TECPR1: variants seen among roughly 807,000 people sequenced by gnomAD.
TECPR1 encodes tectonin beta-propeller repeat-containing protein 1.
TECPR1 carries 122 observed loss-of-function variants against 162.4 expected under a neutral mutation model. The observed-to-expected ratio is 0.75, with a 90% CI of 0.65 to 0.87. The LOEUF (loss-of-function observed/expected upper bound fraction) is 0.87. Ranked by LOEUF, TECPR1 falls within the 40% of genes least tolerant of loss-of-function variation. The pLI is 0.00. For missense variants in TECPR1, 1,432 were observed against 1,618.2 expected, an observed-to-expected ratio of 0.88 and a Z score of 1.97; for synonymous variants, 642 against 670.6, an observed-to-expected ratio of 0.96 and a Z score of 0.66.
chr7:98,247,196 G>A (rs923691053), intron 2 of TECPR1, among the ~76,000 whole-genome samples: 2 of 151,930 alleles, frequency 1.3e-5, no homozygotes, highest in African/African-American at 4.8e-5. Context: ...AGGCTGGAGT[G>A]CAGTGGTTTG....
chr7:98,233,374 G>A (rs1798500476), intron 11 of TECPR1, 47 bp downstream of exon 11: 1 of 1,413,036 alleles, frequency 7.1e-7, no homozygotes, highest in Non-Finnish European at 9.2e-7. Flanking sequence ...CACACCCCCA[G>A]GGCACCTGGC....
chr7:98,231,938 C>G lies in TECPR1; in HGVS notation c.1840G>C (p.Ala614Pro), dbSNP rs772159699. Residue 614 changes from alanine to proline, a missense_variant, in exon 13 of 26, where the codon GCG (alanine) becomes CCG (proline). Transcript: ENST00000447648. ...TTCCAGTCGCACCACCACTGCAGCG[C>G]CCCGGTCTTCACCCACACCGACTGC... Reference protein sequence around the residue: ...VEQSVWVKTGALQWWCDWKPH... With the variant: ...VEQSVWVKTGPLQWWCDWKPH... 34 of 1,606,250 alleles carry G rather than the reference C, an allele frequency of 2.1e-5. No individual in the cohort carries two copies. The highest frequency in any genetic ancestry group is 1.6e-4 in the Middle Eastern group (1 of 6,080).
chr7:98,223,579 C>T (rs1030508184), intron 20 of TECPR1, 83 bp downstream of exon 20: 29 of 1,477,346 alleles, frequency 2.0e-5, no homozygotes, highest in Non-Finnish European at 2.6e-5. Flanking sequence ...AGATCTGGCC[C>T]GGGGTGCAGG....
At chr7:98,244,469 G>T in intron 5 of TECPR1, 102 bp downstream of exon 5, 1 of 1,457,778 alleles carries the variant, frequency 6.9e-7, no homozygotes, top group Non-Finnish European at 9.2e-7. Flanking sequence ...GGTGGGCGTG[G>T]TGTCCCCTGG....
chr7:98,248,218 C>T (rs1266068848), intron 2 of TECPR1, among the ~76,000 whole-genome samples: 4 of 152,138 alleles, frequency 2.6e-5, no homozygotes, highest in Admixed American at 6.5e-5. Context: ...CACAAGGCAG[C>T]CAAACACAGA....
At chr7:98,240,484 A>G (rs950837963) in intron 8 of TECPR1, among the ~76,000 whole-genome samples, 5 of 151,982 alleles carry the variant, frequency 3.3e-5, no homozygotes, top group African/African-American at 1.2e-4. Context: ...CTATAGTGCA[A>G]TCTTGGCTCA....
chr7:98,217,772 G>T lies in TECPR1; in HGVS notation c.3304C>A (p.Leu1102Met). Residue 1102 changes from leucine (L) to methionine (M), a missense_variant, in exon 25 of 26, where the codon CTG becomes ATG. Coordinates refer to ENST00000447648, the MANE Select transcript of TECPR1 (RefSeq NM_015395.3). ...CGATGACACACTGTCCCCCGGCTCA[G>T]GCTGTGGCTGCCCTGCACTTTGTTG... ...IANKVQGSHS[L>M]SRGTVCHRTG... is the part of the protein sequence containing the mutation. 6.4e-7 allele frequency: 1 copy of T among 1,551,070 alleles called. No individual in the cohort carries two copies. Among genetic ancestry groups the T allele is most frequent in the African/African-American group, 1.4e-5 (1 of 73,190 alleles).
At chr7:98,249,831 T>C (rs1799015726) in intron 2 of TECPR1, among the ~76,000 whole-genome samples, 1 of 150,976 alleles carries the variant, frequency 6.6e-6, no homozygotes, top group South Asian at 2.1e-4. Context: ...GGCAGGAGAA[T>C]CGCTTGAACC....
At chr7:98,244,341 C>A (rs1172987469) in intron 5 of TECPR1, among the ~76,000 whole-genome samples, 1 of 152,240 alleles carries the variant, frequency 6.6e-6, no homozygotes, top group Non-Finnish European at 1.5e-5. Context: ...AGGGTCAGGG[C>A]AAGTTCTGTG....
At chr7:98,224,445 C>T (rs1798224396) in intron 19 of TECPR1, among the ~76,000 whole-genome samples, 1 of 152,208 alleles carries the variant, frequency 6.6e-6, no homozygotes, top group African/African-American at 2.4e-5. Context: ...GTAGAGGCCA[C>T]TCGCCCTCCT....
At position 98,240,177 on chromosome 7, in the gene TECPR1, T is replaced by C. The variant is rs1411909768; in HGVS notation, c.933+674A>G. ...CGGCTGGTTTTATTGGACTTGCCGC[T>C]GATAAGATGCAAAAGACAAGCAGTG... On this transcript the variant is annotated intron_variant, in intron 8 of 25. Coordinates refer to ENST00000447648, the MANE Select transcript of TECPR1 (RefSeq NM_015395.3). Among the ~76,000 whole-genome samples, 3 of 152,064 alleles carry C rather than the reference T, an allele frequency of 2.0e-5. No homozygotes were observed. In the East Asian group the frequency reaches 5.8e-4, roughly 29 times the overall value.
At chr7:98,244,755 G>T in intron 4 of TECPR1, 62 bp from the exon 5 acceptor site, 1 of 1,583,524 alleles carries the variant, frequency 6.3e-7, no homozygotes, top group Non-Finnish European at 8.6e-7. Flanking sequence ...AGCTGGGGAA[G>T]GTGGGGAGGG....
chr7:98,217,562 T>A (rs1798044857), intron 25 of TECPR1, 59 bp from the exon 26 acceptor site: 1 of 1,544,062 alleles, frequency 6.5e-7, no homozygotes, highest in Non-Finnish European at 8.8e-7. Context: ...CTGGAGGGGA[T>A]CTGCCTGGGG....
At chr7:98,242,562 ACACC>A (rs1241018314) in intron 6 of TECPR1, among the ~76,000 whole-genome samples, 3 of 128,576 alleles carry the variant, frequency 2.3e-5, no homozygotes, top group Admixed American at 1.6e-4. Context: ...ATCCATCCAC[ACACC>A]CACCCACCCA....
chr7:98,226,323 A>G (rs1306871336), intron 17 of TECPR1, among the ~76,000 whole-genome samples: 1 of 152,256 alleles, frequency 6.6e-6, no homozygotes, highest in Admixed American at 6.5e-5. Context: ...AAACACACAG[A>G]CACACAAATA....
Position 98,228,081 on chromosome 7 carries a change from A to G in TECPR1, c.2446T>C (p.Ser816Pro). ...TAGATGTGAACACACTTCACGTCTG[A>G]CTGCGTGTAGATGTTACTGGTGCTG... The part of the protein sequence containing the change: ...ASSTSNIYTQ[S>P]DVKCVHIYEN... The change falls in exon 17 of 26, where the codon TCA becomes CCA. Residue 816 changes from serine to proline, a missense_variant. Ser to Pro is a moderately conservative substitution (Grantham distance 74). Transcript: ENST00000447648. 1 of 1,612,826 alleles carries G rather than the reference A, an allele frequency of 6.2e-7. No individual in the cohort carries two copies. Among genetic ancestry groups the G allele is most frequent in the Non-Finnish European group, 8.5e-7 (1 of 1,179,562 alleles).
At chr7:98,233,132 TC>T in intron 11 of TECPR1, 160 bp from the exon 12 acceptor site, 1 of 871,984 alleles carries the variant, frequency 1.1e-6, no homozygotes, top group Non-Finnish European at 1.6e-6. Context: ...TGAGTTGCTC[TC>T]CCCCAGTAAT....
Position 98,243,495 on chromosome 7 carries a change from G to A in TECPR1, c.629C>T (p.Ser210Leu). ...EITEEPVGRL[S>L]VWAVSLQGKV... is the part of the protein sequence containing the mutation. ...GCCCTGCAGAGACACAGCCCACACTGACAGGCGGCCCACAGGCTCCTCCGT... is the reference window on the plus strand; with the variant it reads ...GCCCTGCAGAGACACAGCCCACACTAACAGGCGGCCCACAGGCTCCTCCGT... The change falls in exon 6 of 26, where the codon TCA becomes TTA. Residue 210 changes from serine (S) to leucine (L), a missense_variant. Coordinates refer to ENST00000447648, the MANE Select transcript of TECPR1 (RefSeq NM_015395.3). 6.2e-7 allele frequency: 1 copy of A among 1,612,630 alleles called. No individual in the cohort carries two copies. The highest frequency in any genetic ancestry group is 8.5e-7 in the Non-Finnish European group (1 of 1,179,814).
chr7:98,221,643 A>C lies in TECPR1; in HGVS notation c.3157+18T>G. 6.2e-7 allele frequency: 1 copy of C among 1,610,532 alleles called. No individual in the cohort carries two copies. The highest frequency in any genetic ancestry group is 8.5e-7 in the Non-Finnish European group (1 of 1,177,878). On this transcript the variant is annotated intron_variant, in intron 23 of 25. Coordinates refer to ENST00000447648, the MANE Select transcript of TECPR1 (RefSeq NM_015395.3). ...TGCCCAGCCAAAACATTAAAAATTT[A>C]AAAAAAGAGCAACTTGCCATTCTCA...
Sources: gnomAD v4.1 joint callset for allele counts (sites outside exome capture counted in the v4.1 genomes callset) on GRCh38, gnomAD v4.1.1 for gene constraint, MANE v1.5 for transcripts, NCBI Gene and HGNC (gene_info 2026-07-23, HGNC 2026-07-21) for gene names.